CHST11: variants seen among roughly 807,000 people sequenced by gnomAD.
CHST11 encodes carbohydrate sulfotransferase 11.
Under a neutral mutation model 30.4 loss-of-function variants are expected in CHST11, and 9 were observed. The ratio of observed to expected loss-of-function variants is 0.30; its 90% CI spans 0.18 to 0.52. The LOEUF (loss-of-function observed/expected upper bound fraction) is 0.52, where lower values mean the gene tolerates loss of function less well. CHST11 is among the 20% of genes least tolerant of loss of function. The pLI is 0.97. For missense variants in CHST11, 348 were observed against 460.6 expected, an observed-to-expected ratio of 0.76 and a Z score of 2.24; for synonymous variants, 152 against 187.8, an observed-to-expected ratio of 0.81 and a Z score of 1.56.
chr12:104,547,315 T>A (rs1184241428), intron 1 of CHST11, among the ~76,000 whole-genome samples: 3 of 151,940 alleles, frequency 2.0e-5, no homozygotes, highest in African/African-American at 7.3e-5. Flanking sequence ...GGTTTTCAAG[T>A]GGGTAATTAG....
intron 1 of CHST11, among the ~76,000 whole-genome samples, chr12:104,558,538 T>TCCCCCCCCCCCCCCCCCCC (rs71441899): frequency 4.2e-5 from 5 of 117,760 alleles, no homozygotes; most frequent in Middle Eastern, 3.7e-3. Context: ...CAGCAGAAAT[T>TCCCCCCCCCCCCCCCCCCC]CCCCCCCCCG....
At chr12:104,646,224 A>C (rs2039428758) in intron 2 of CHST11, among the ~76,000 whole-genome samples, 2 of 149,970 alleles carry the variant, frequency 1.3e-5, no homozygotes, top group Admixed American at 6.6e-5. Flanking sequence ...CCTCGCTTCC[A>C]CCCCACTTTC....
At chr12:104,663,260 G>C (rs1021706171) in intron 2 of CHST11, among the ~76,000 whole-genome samples, 1 of 152,318 alleles carries the variant, frequency 6.6e-6, no homozygotes, top group Admixed American at 6.5e-5. Flanking sequence ...TTTCGCTAAG[G>C]TTGATTTCAG....
intron 2 of CHST11, among the ~76,000 whole-genome samples, chr12:104,692,381 T>A (rs2039904227): frequency 6.6e-6 from 1 of 152,230 alleles, no homozygotes; most frequent in South Asian, 2.1e-4. Flanking sequence ...CCGGCAAAAA[T>A]AGCTAACACT....
chr12:104,689,146 C>T (rs2039874546), intron 2 of CHST11, among the ~76,000 whole-genome samples: 1 of 152,176 alleles, frequency 6.6e-6, no homozygotes, highest in African/African-American at 2.4e-5. Context: ...TCTTTTGTGA[C>T]TTTCTCATTT....
chr12:104,691,292 A>G (rs569500794), intron 2 of CHST11, among the ~76,000 whole-genome samples: 1 of 152,202 alleles, frequency 6.6e-6, no homozygotes, highest in African/African-American at 2.4e-5. Flanking sequence ...GTCTTTCACC[A>G]GGGAAGGGTG....
At chr12:104,541,220 C>A (rs191799281) in intron 1 of CHST11, among the ~76,000 whole-genome samples, 1 of 152,192 alleles carries the variant, frequency 6.6e-6, no homozygotes, top group Admixed American at 6.5e-5. Context: ...AATTGAGAGT[C>A]TTTGGCTTTG....
At chr12:104,669,025 T>G (rs2039665949) in intron 2 of CHST11, among the ~76,000 whole-genome samples, 1 of 152,200 alleles carries the variant, frequency 6.6e-6, no homozygotes, top group African/African-American at 2.4e-5. Context: ...GACATTTCTT[T>G]CTCCCCATTT....
intron 1 of CHST11, among the ~76,000 whole-genome samples, chr12:104,565,258 ATTTTTTTTTT>A (rs66825272): frequency 1.4e-5 from 1 of 72,916 alleles, no homozygotes; most frequent in Admixed American, 1.8e-4. Context: ...GTTTTCTAGG[ATTTTTTTTTT>A]TTTTTTTTTT....
chr12:104,505,087 C>G (rs1471639236), intron 1 of CHST11, among the ~76,000 whole-genome samples: 1 of 152,158 alleles, frequency 6.6e-6, no homozygotes, highest in Non-Finnish European at 1.5e-5. Context: ...TTACAGACAC[C>G]TATTAGACTG....
At chr12:104,497,194 A>G (rs565191252) in intron 1 of CHST11, among the ~76,000 whole-genome samples, 1 of 152,326 alleles carries the variant, frequency 6.6e-6, no homozygotes, top group East Asian at 1.9e-4. Flanking sequence ...GTACCTCAAA[A>G]TGTCACTACA....
chr12:104,475,688 A>ATATATATATATATAT (rs1555226434), intron 1 of CHST11, among the ~76,000 whole-genome samples: 51 of 78,430 alleles, frequency 6.5e-4, no homozygotes, highest in South Asian at 1.3e-3. Flanking sequence ...ATATATATAT[A>ATATATATATATATAT]TATTTCTGAT....
At chr12:104,602,226 T>C (rs2038963115) in intron 2 of CHST11, 2 of 546,580 alleles carry the variant, frequency 3.7e-6, no homozygotes, top group African/African-American at 1.9e-5. Flanking sequence ...CATTCAGACC[T>C]GCCCAGGGTT....
intron 2 of CHST11, among the ~76,000 whole-genome samples, chr12:104,682,462 G>A (rs2039806474): frequency 6.6e-6 from 1 of 152,210 alleles, no homozygotes; most frequent in Non-Finnish European, 1.5e-5. Context: ...ATTTGTTATG[G>A]TTGTATTTTA....
At chr12:104,475,658 T>TTATATATATATATATATATATATATA (rs67453124) in intron 1 of CHST11, among the ~76,000 whole-genome samples, 5 of 34,152 alleles carry the variant, frequency 1.5e-4, no homozygotes, top group East Asian at 9.8e-4. Context: ...TAAAGCAGCA[T>TTATATATATATATATATATATATATA]TATATATATA....
At position 104,761,057 on chromosome 12, in the gene CHST11, T is replaced by G. The variant is rs912788520; in HGVS notation, c.*3254T>G. On this transcript the variant is annotated 3_prime_UTR_variant, in exon 3 of 3. Coordinates refer to ENST00000303694, the MANE Select transcript of CHST11 (RefSeq NM_018413.6). The stretch of plus-strand genomic sequence containing the variant: ...CAGTATTTGCAAGGACATTCCTGCT[T>G]ACTTTATCCCTTTGGTTGGAAAGCT... 1.3e-5 allele frequency: 2 copies of G among 152,264 alleles called. No individual in the cohort carries two copies. The highest frequency in any genetic ancestry group is 2.4e-5 in the African/African-American group (1 of 41,452). The allele number at this position is 152,264 out of a possible 1,614,324, so 9.4% of individuals were successfully genotyped here.
chr12:104,674,571 A>G (rs2039723229), intron 2 of CHST11, among the ~76,000 whole-genome samples: 1 of 152,246 alleles, frequency 6.6e-6, no homozygotes, highest in Non-Finnish European at 1.5e-5. Flanking sequence ...GCTCTGAGCC[A>G]CCACCCAGGA....
chr12:104,544,705 TAA>T (rs755404934), intron 1 of CHST11, among the ~76,000 whole-genome samples: 33 of 93,154 alleles, frequency 3.5e-4, no homozygotes, highest in Admixed American at 5.6e-4. Flanking sequence ...AGACTTGGTC[TAA>T]AAAAAAAAAA....
intron 2 of CHST11, among the ~76,000 whole-genome samples, chr12:104,682,522 G>A (rs2039807125): frequency 6.6e-6 from 1 of 152,200 alleles, no homozygotes. Flanking sequence ...GGACACAAGT[G>A]GATCATTGAT....
Sources: allele counts gnomAD v4.1 joint callset (sites outside exome capture counted in the v4.1 genomes callset), GRCh38; gene constraint gnomAD v4.1.1; transcripts MANE v1.5; gene names NCBI Gene and HGNC (gene_info 2026-07-23, HGNC 2026-07-21).